USP40: variants seen among roughly 807,000 people sequenced by gnomAD.
The protein encoded by USP40 is ubiquitin carboxyl-terminal hydrolase 40.
In USP40, 143 loss-of-function variants were observed where a neutral mutation model predicts 166.2. The ratio of observed to expected loss-of-function variants is 0.86; its 90% CI spans 0.75 to 0.99. The LOEUF (loss-of-function observed/expected upper bound fraction) is 0.99. USP40 is among the 50% of genes least tolerant of loss of function. The pLI, the probability that USP40 is intolerant of heterozygous loss-of-function variation, is 0.00. For missense variants in USP40, 1,444 were observed against 1,479.7 expected (o/e 0.98, Z 0.40); for synonymous variants, 498 against 524.0 (o/e 0.95, Z 0.68).
chr2:233,563,186 C>G lies in USP40; in HGVS notation c.200-383G>C, dbSNP rs139082266. Among the ~76,000 whole-genome samples, 966 of 152,316 alleles carry G rather than the reference C, an allele frequency of 6.3e-3. 22 individuals are homozygous for G. In the East Asian group the frequency reaches 0.084, roughly 13 times the overall value. On this transcript the variant is annotated intron_variant, in intron 2 of 31. Coordinates refer to ENST00000678225, the MANE Select transcript of USP40 (RefSeq NM_001365479.2). ...GCCACATGTAAGGCTAACAAACATC[C>G]TTTCGTGGGAAGGATCCTCTTTTAC...
At chr2:233,501,545 T>A (rs2066070538) in intron 21 of USP40, among the ~76,000 whole-genome samples, 1 of 152,244 alleles carries the variant, frequency 6.6e-6, no homozygotes, top group Non-Finnish European at 1.5e-5. Flanking sequence ...ATGAAATTCA[T>A]TTCAGATGAA....
rs981443360 is a variant in USP40, at chr2:233,480,382, G to T, written c.3599+821C>A. On this transcript the variant is annotated intron_variant, in intron 31 of 31. Transcript: ENST00000678225. The surrounding 1 kb of genome is among the most constrained non-coding windows in gnomAD (Gnocchi z 4.5). ...GAGTCGGGGAGTGGGGGAGGATGAG[G>T]ACGCCTGGGGGCCTCTGGTGAGGCC... is the stretch of plus-strand genomic sequence containing the variant. Among the ~76,000 whole-genome samples the T allele has an allele frequency of 4.6e-5, 7 of 152,230 alleles. No homozygotes were observed. Among genetic ancestry groups the T allele is most frequent in the Non-Finnish European group, 1.0e-4 (7 of 68,038 alleles).
intron 21 of USP40, among the ~76,000 whole-genome samples, chr2:233,504,560 T>C (rs1254146943): frequency 3.3e-5 from 5 of 152,026 alleles, no homozygotes; most frequent in East Asian, 1.9e-4. Flanking sequence ...ATAATGGTCA[T>C]TGTAGAAGAA....
Position 233,565,444 on chromosome 2 carries a change from G to A in USP40, c.111C>T (p.Phe37=), listed in dbSNP as rs1321326709. The change falls in exon 2 of 32, where the codon TTC becomes TTT. Residue 37 remains phenylalanine (F), a synonymous_variant. Transcript: ENST00000678225. ...KALEPPAPRE[F]TNLSGIRNQG... ...GATTTCTGATTCCGCTTAAATTGGT[G>A]AATTCTCTAGGAGCAGGTGGCTCCA... 6.5e-7 allele frequency: 1 copy of A among 1,537,122 alleles called. No homozygotes were observed. Among genetic ancestry groups the A allele is most frequent in the African/African-American group, 1.4e-5 (1 of 73,038 alleles).
intron 2 of USP40, among the ~76,000 whole-genome samples, 165 bp downstream of exon 2, chr2:233,565,191 T>C (rs1367612904): frequency 6.6e-6 from 1 of 152,232 alleles, no homozygotes; most frequent in Non-Finnish European, 1.5e-5. Flanking sequence ...AGCTTCACAT[T>C]TCTCTGCAGA....
At chr2:233,479,906 G>C (rs1192141561) in intron 31 of USP40, among the ~76,000 whole-genome samples, 1 of 152,106 alleles carries the variant, frequency 6.6e-6, no homozygotes, top group Non-Finnish European at 1.5e-5. Context: ...CTGGCCCAGG[G>C]GCCGTGCTGC....
chr2:233,510,413 T>TTC (rs1166180705), intron 20 of USP40, among the ~76,000 whole-genome samples: 3 of 141,128 alleles, frequency 2.1e-5, no homozygotes, highest in Non-Finnish European at 4.6e-5. Context: ...TTTTTTTTTT[T>TTC]TTTTTTGAGA....
chr2:233,556,780 T>C, intron 5 of USP40, 75 bp downstream of exon 5: 19 of 1,373,282 alleles, frequency 1.4e-5, no homozygotes, highest in Non-Finnish European at 1.9e-5. Context: ...CCTTGTGTGG[T>C]ATATATCATA....
chr2:233,562,725 A>C lies in USP40; in HGVS notation c.267+11T>G, dbSNP rs562276236. ...AAACTTAAAGTATAATAATAATAAT[A>C]ATAAAAATACCTTTGCATCGGGTTT... On this transcript the variant is annotated intron_variant, in intron 3 of 31. Transcript: ENST00000678225. 3.7e-5 allele frequency: 56 copies of C among 1,494,526 alleles called. No individual in the cohort carries two copies. Among genetic ancestry groups the C allele is most frequent in the Non-Finnish European group, 4.3e-5 (48 of 1,117,538 alleles). The allele number at this position is 1,494,526 out of a possible 1,614,324, so 92.6% of individuals were successfully genotyped here. A position where few individuals can be genotyped will look rare whatever the true frequency, so the allele number is the denominator to read the frequency against.
In USP40 at chr2:233,540,630, C is replaced by G. The variant is rs530551059; in HGVS notation, c.1170+32G>C. 1.3e-4 allele frequency: 191 copies of G among 1,452,984 alleles called. 3 individuals carry two copies. The South Asian group carries it at 2.2e-3, about 16-fold the overall frequency. The allele number at this position is 1,452,984 out of a possible 1,614,324, so 90.0% of individuals were successfully genotyped here. A position where few individuals can be genotyped will look rare whatever the true frequency, so the allele number is the denominator to read the frequency against. On this transcript the variant is annotated intron_variant, in intron 10 of 31. Transcript: ENST00000678225. ...GCGATCATAATGAAATTTCTTGGGACTAGGACTTCCCAAAACGATGCCATG... is the reference window on the plus strand; with the variant it reads ...GCGATCATAATGAAATTTCTTGGGAGTAGGACTTCCCAAAACGATGCCATG...
At chr2:233,539,822 T>C (rs1416489470) in intron 10 of USP40, among the ~76,000 whole-genome samples, 3 of 151,620 alleles carry the variant, frequency 2.0e-5, no homozygotes, top group African/African-American at 7.3e-5. Flanking sequence ...AGAAAAGCAA[T>C]AGAGAAAATC....
chr2:233,493,354 C>G lies in USP40; in HGVS notation c.2917+71G>C, dbSNP rs777012764. 2.1e-5 allele frequency: 34 copies of G among 1,596,990 alleles called. No individual in the cohort carries two copies. Among genetic ancestry groups the G allele is most frequent in the Non-Finnish European group, 2.8e-5 (33 of 1,166,080 alleles). On this transcript the variant is annotated intron_variant, in intron 25 of 31. Coordinates refer to ENST00000678225, the MANE Select transcript of USP40 (RefSeq NM_001365479.2). The surrounding 1 kb of genome is among the most constrained non-coding windows in gnomAD (Gnocchi z 4.7). ...TTAAAAATAAATATATCAATTGACT[C>G]TCAGAGCACAGGCAGTCAATTTACT... is the stretch of plus-strand genomic sequence containing the variant.
chr2:233,494,415 T>C (rs989258753), intron 24 of USP40, among the ~76,000 whole-genome samples: 1 of 152,216 alleles, frequency 6.6e-6, no homozygotes, highest in Non-Finnish European at 1.5e-5. Flanking sequence ...GTACCTGTCA[T>C]ATTTTAAAAT....
At chr2:233,515,731 G>C (rs1056932979) in intron 18 of USP40, among the ~76,000 whole-genome samples, 1 of 152,030 alleles carries the variant, frequency 6.6e-6, no homozygotes, top group African/African-American at 2.4e-5. Flanking sequence ...TGTGCTTTTT[G>C]AGTCCTATCT....
chr2:233,522,100 A>C (rs537451371), intron 16 of USP40, among the ~76,000 whole-genome samples: 1 of 152,330 alleles, frequency 6.6e-6, no homozygotes, highest in East Asian at 1.9e-4. Context: ...AATGTCACAT[A>C]GATTACTATG....
intron 18 of USP40, among the ~76,000 whole-genome samples, chr2:233,516,570 C>A (rs992856254): frequency 6.6e-6 from 1 of 151,988 alleles, no homozygotes; most frequent in Non-Finnish European, 1.5e-5. Context: ...CACCTGTAGT[C>A]CCAGCTACTC....
At position 233,505,877 on chromosome 2, in the gene USP40, A is replaced by C. The variant is rs147937625; in HGVS notation, c.2613+4172T>G. ...GATTCAACAACAAAAAAAGAAAACT[A>C]TAGGCCAATATCCCTGATGAACATA... On this transcript the variant is annotated intron_variant, in intron 21 of 31. Coordinates refer to ENST00000678225, the MANE Select transcript of USP40 (RefSeq NM_001365479.2). Among the ~76,000 whole-genome samples, 977 of 152,278 alleles carry C rather than the reference A, an allele frequency of 6.4e-3. 4 individuals are homozygous for C. Among genetic ancestry groups the C allele is most frequent in the African/African-American group, 0.022 (924 of 41,574 alleles).
Position 233,507,031 on chromosome 2 carries a change from C to G in USP40, c.2613+3018G>C, listed in dbSNP as rs543568428. 2.6e-5 allele frequency among the ~76,000 whole-genome samples: 4 copies of G among 152,130 alleles called. No individual in the cohort carries two copies. The East Asian group carries it at 7.7e-4, about 29-fold the overall frequency. ...GCAAAAGACTTTAGTAAACATTTCTCAAAAGACATACAAATGGCCAACAGG... is the reference window on the plus strand; with the variant it reads ...GCAAAAGACTTTAGTAAACATTTCTGAAAAGACATACAAATGGCCAACAGG... On this transcript the variant is annotated intron_variant, in intron 21 of 31. Coordinates refer to ENST00000678225, the MANE Select transcript of USP40 (RefSeq NM_001365479.2).
intron 21 of USP40, among the ~76,000 whole-genome samples, chr2:233,509,075 G>A (rs2066620981): frequency 6.6e-6 from 1 of 152,146 alleles, no homozygotes; most frequent in South Asian, 2.1e-4. Flanking sequence ...CCTGGTTCCT[G>A]TTTGTAGAAA....
Sources: allele counts gnomAD v4.1 joint callset (sites outside exome capture counted in the v4.1 genomes callset), GRCh38; gene constraint gnomAD v4.1.1; non-coding constraint Gnocchi (gnomAD v3.1); transcripts MANE v1.5; gene names NCBI Gene and HGNC (gene_info 2026-07-23, HGNC 2026-07-21).